The following KLHL1 variants were observed in gnomAD, a reference collection of about 807,000 sequenced individuals.
KLHL1 encodes kelch-like protein 1.
KLHL1 carries 47 observed loss-of-function variants against 77.7 expected under a neutral mutation model. The observed-to-expected ratio is 0.60, with a 90% confidence interval of 0.48 to 0.77. The LOEUF (loss-of-function observed/expected upper bound fraction) is 0.77, where lower values mean the gene tolerates loss of function less well. Among genes scored for constraint, KLHL1 ranks in the 30% least tolerant of loss-of-function variants. The pLI is 0.00. For synonymous variants in KLHL1, 360 were observed against 325.2 expected (o/e 1.11, Z -1.15); for missense variants, 925 against 910.8 (o/e 1.02, Z -0.20).
intron 6 of KLHL1, among the ~76,000 whole-genome samples, chr13:69,834,755 G>A (rs186492591): frequency 1.1e-4 from 17 of 152,184 alleles, no homozygotes; most frequent in African/African-American, 3.6e-4. Context: ...ATGTATAACA[G>A]AAGAACAAAT....
chr13:69,706,469 A>G (rs1318405459), intron 10 of KLHL1, among the ~76,000 whole-genome samples: 1 of 151,968 alleles, frequency 6.6e-6, no homozygotes, highest in Non-Finnish European at 1.5e-5. Context: ...ATCATGTTTC[A>G]TTAAAAGTAA....
chr13:69,935,811 G>A (rs1883170737), intron 4 of KLHL1, among the ~76,000 whole-genome samples: 2 of 152,066 alleles, frequency 1.3e-5, no homozygotes, highest in Admixed American at 1.3e-4. Context: ...CTTGTTGAAT[G>A]AGTAAATTAA....
intron 1 of KLHL1, among the ~76,000 whole-genome samples, chr13:70,042,882 G>GA (rs1268342650): frequency 2.0e-5 from 3 of 152,114 alleles, no homozygotes; most frequent in African/African-American, 7.2e-5. Flanking sequence ...TATGGAGGGG[G>GA]AAGACAGTGA....
intron 7 of KLHL1, among the ~76,000 whole-genome samples, chr13:69,743,379 G>C (rs1422873156): frequency 6.6e-6 from 1 of 152,068 alleles, no homozygotes. Context: ...TGAATTAACA[G>C]GTTTCAGTTC....
chr13:69,852,731 C>T (rs904799694), intron 5 of KLHL1, among the ~76,000 whole-genome samples: 3 of 151,942 alleles, frequency 2.0e-5, no homozygotes, highest in Non-Finnish European at 2.9e-5. Context: ...GTAGATGCAT[C>T]ATGCAAGTCA....
intron 4 of KLHL1, among the ~76,000 whole-genome samples, chr13:69,890,546 C>T (rs1173784263): frequency 1.3e-5 from 2 of 151,882 alleles, no homozygotes; most frequent in African/African-American, 4.8e-5. Flanking sequence ...CAACATCTGC[C>T]TTCTTGTAAT....
chr13:69,822,293 T>C (rs1878371929), intron 6 of KLHL1, among the ~76,000 whole-genome samples: 1 of 151,834 alleles, frequency 6.6e-6, no homozygotes, highest in South Asian at 2.1e-4. Context: ...AATGAATTTA[T>C]AATCTGGAAA....
At chr13:69,873,939 A>G (rs1880674287) in intron 5 of KLHL1, among the ~76,000 whole-genome samples, 1 of 152,154 alleles carries the variant, frequency 6.6e-6, no homozygotes, top group African/African-American at 2.4e-5. Context: ...AGGCAAGAAT[A>G]TAGTAGGTGA....
chr13:69,996,909 A>ATTTTTTTTTTT (rs1566484216), intron 1 of KLHL1, among the ~76,000 whole-genome samples: 1 of 106,656 alleles, frequency 9.4e-6, no homozygotes, highest in African/African-American at 3.8e-5. Context: ...TTATTCATTA[A>ATTTTTTTTTTT]ATTTTTTTTT....
intron 6 of KLHL1, among the ~76,000 whole-genome samples, chr13:69,798,482 C>A (rs1877227681): frequency 6.6e-6 from 1 of 151,876 alleles, no homozygotes; most frequent in African/African-American, 2.4e-5. Flanking sequence ...TAGGTTCATT[C>A]CAATATATAA....
chr13:69,745,821 T>C (rs1033223082), intron 7 of KLHL1, among the ~76,000 whole-genome samples: 1 of 151,868 alleles, frequency 6.6e-6, no homozygotes, highest in African/African-American at 2.4e-5. Context: ...GTATTTCATA[T>C]GAATTTTTAA....
At chr13:70,078,716 T>C (rs1887321020) in intron 1 of KLHL1, among the ~76,000 whole-genome samples, 1 of 152,218 alleles carries the variant, frequency 6.6e-6, no homozygotes, top group East Asian at 1.9e-4. Flanking sequence ...GTTATTTCAA[T>C]ACCATCACAC....
chr13:69,786,476 T>C (rs1593831035), intron 7 of KLHL1, among the ~76,000 whole-genome samples: 1 of 152,138 alleles, frequency 6.6e-6, no homozygotes, highest in African/African-American at 2.4e-5. Flanking sequence ...CTAAAAACTC[T>C]CAATAAATTA....
intron 5 of KLHL1, among the ~76,000 whole-genome samples, chr13:69,878,228 T>A (rs1410132302): frequency 6.6e-6 from 1 of 152,072 alleles, no homozygotes; most frequent in African/African-American, 2.4e-5. Context: ...TTTAACACTA[T>A]CCTGGAAACA....
intron 5 of KLHL1, among the ~76,000 whole-genome samples, chr13:69,860,378 A>T (rs1426112766): frequency 6.6e-6 from 1 of 152,048 alleles, no homozygotes; most frequent in African/African-American, 2.4e-5. Flanking sequence ...CTCAGAAAAA[A>T]GAGAATGTTA....
chr13:69,707,838 A>G, intron 9 of KLHL1, 42 bp from the exon 10 acceptor site: 1 of 1,475,822 alleles, frequency 6.8e-7, no homozygotes, highest in Non-Finnish European at 9.1e-7. Context: ...TTCTAATCAC[A>G]TTCAACTTTT....
chr13:69,773,151 G>T (rs1593815069), intron 7 of KLHL1, among the ~76,000 whole-genome samples: 1 of 88,816 alleles, frequency 1.1e-5, no homozygotes, highest in African/African-American at 3.8e-5. Context: ...ATGCATAATA[G>T]ATATATATTA....
At chr13:69,723,134 A>C (rs1240729221) in intron 8 of KLHL1, among the ~76,000 whole-genome samples, 1 of 152,106 alleles carries the variant, frequency 6.6e-6, no homozygotes, top group Non-Finnish European at 1.5e-5. Context: ...TGTCTCATAG[A>C]ATTTGAGAGT....
intron 4 of KLHL1, among the ~76,000 whole-genome samples, chr13:69,928,911 A>G (rs1014283614): frequency 4.6e-5 from 7 of 152,130 alleles, no homozygotes; most frequent in Non-Finnish European, 7.4e-5. Flanking sequence ...ATGGTATATA[A>G]GTCATATCTC....
Sources: gnomAD v4.1 joint callset for allele counts (sites outside exome capture counted in the v4.1 genomes callset) on GRCh38, gnomAD v4.1.1 for gene constraint, MANE v1.5 for transcripts, NCBI Gene and HGNC (gene_info 2026-07-23, HGNC 2026-07-21) for gene names.